Variants in CPVL observed in about 807,000 individuals in gnomAD.
CPVL encodes the protein carboxypeptidase vitellogenic like.
In CPVL, 51 loss-of-function variants were observed where a neutral mutation model predicts 63.7. That is an observed-to-expected ratio of 0.80 (90% CI 0.64 to 1.01). The LOEUF is 1.01. CPVL is among the 50% of genes least tolerant of loss of function. The pLI, the probability that CPVL is intolerant of heterozygous loss-of-function variation, is 0.00. For synonymous variants in CPVL, 195 were observed against 206.0 expected (o/e 0.95, Z 0.46); for missense variants, 530 against 573.1 (o/e 0.92, Z 0.77).
At chr7:29,155,468 T>C (rs773418844) in intron 5 of CPVL, among the ~76,000 whole-genome samples, 8 of 152,144 alleles carry the variant, frequency 5.3e-5, no homozygotes, top group Admixed American at 1.3e-4. Flanking sequence ...AAGGTAGATA[T>C]TATATTCTCC....
upstream of CPVL, among the ~76,000 whole-genome samples, chr7:29,147,764 A>T (rs1562793939): frequency 6.6e-6 from 1 of 152,242 alleles, no homozygotes; most frequent in Non-Finnish European, 1.5e-5. Context: ...CCAGGGCAAA[A>T]GTACAAACAG....
intron 1 of CPVL, among the ~76,000 whole-genome samples, chr7:29,135,221 G>T (rs76270895): frequency 6.6e-6 from 1 of 151,628 alleles, no homozygotes; most frequent in Non-Finnish European, 1.5e-5. Flanking sequence ...CCCAGATCAA[G>T]AAATGAAAAG....
At chr7:29,094,453 A>G (rs1584245145) in intron 5 of CPVL, among the ~76,000 whole-genome samples, 1 of 152,246 alleles carries the variant, frequency 6.6e-6, no homozygotes, top group East Asian at 1.9e-4. Context: ...ACACTATATA[A>G]TAACCTGTGA....
At chr7:29,000,394 CAG>C (rs1397711602) in intron 12 of CPVL, among the ~76,000 whole-genome samples, 2 of 148,980 alleles carry the variant, frequency 1.3e-5, no homozygotes, top group Admixed American at 1.3e-4. Flanking sequence ...TCACCGCAGA[CAG>C]AGGAAACTGT....
intron 5 of CPVL, among the ~76,000 whole-genome samples, chr7:29,168,028 A>T (rs930016737): frequency 6.6e-6 from 1 of 152,196 alleles, no homozygotes; most frequent in South Asian, 2.1e-4. Context: ...TAAACTGGAC[A>T]TTTGTGTGAG....
chr7:28,995,281 C>G lies in CPVL; in HGVS notation c.*491G>C, dbSNP rs1257741544. 1 of 152,948 alleles carries G rather than the reference C, an allele frequency of 6.5e-6. No homozygotes were observed. Among genetic ancestry groups the G allele is most frequent in the African/African-American group, 2.4e-5 (1 of 41,456 alleles). The allele number at this position is 152,948 out of a possible 1,614,324, so 9.5% of individuals were successfully genotyped here. A position where few individuals can be genotyped will look rare whatever the true frequency, so the allele number is the denominator to read the frequency against. Reference sequence around the variant, plus strand: ...TTCAAAGAATTCTTTTGTTCTAAGACTTTATACATTTGAGAATCTTTTCCC... The same window carrying G: ...TTCAAAGAATTCTTTTGTTCTAAGAGTTTATACATTTGAGAATCTTTTCCC... On this transcript the variant is annotated 3_prime_UTR_variant, in exon 13 of 13. Coordinates refer to ENST00000265394, the MANE Select transcript of CPVL (RefSeq NM_031311.5).
At chr7:29,044,323 A>T (rs746453326) in intron 11 of CPVL, among the ~76,000 whole-genome samples, 12 of 152,172 alleles carry the variant, frequency 7.9e-5, no homozygotes, top group Non-Finnish European at 1.0e-4. Context: ...AGGCTGAGGC[A>T]TGAGAATCAC....
chr7:29,070,449 A>C (rs188540069), intron 9 of CPVL, among the ~76,000 whole-genome samples: 1 of 152,332 alleles, frequency 6.6e-6, no homozygotes, highest in Non-Finnish European at 1.5e-5. Context: ...ATGCCACATA[A>C]AATTTGGTAT....
intron 5 of CPVL, among the ~76,000 whole-genome samples, chr7:29,167,101 A>G (rs1335466529): frequency 1.3e-5 from 2 of 152,158 alleles, no homozygotes; most frequent in African/African-American, 4.8e-5. Flanking sequence ...TCAATACCTT[A>G]AATCTGTCCC....
chr7:29,188,108 C>T (rs1024536569), intron 1 of CPVL, among the ~76,000 whole-genome samples: 1 of 152,154 alleles, frequency 6.6e-6, no homozygotes, highest in Non-Finnish European at 1.5e-5. Context: ...GACTTTAATT[C>T]TCACAGATTA....
rs900874114 is a variant in CPVL at position 29,096,313 on chromosome 7, A to G, written c.289-96T>C. ...CTTACCCAAATCCTCTCTGTGTTAC[A>G]GGGCTGTGACTAAATCCTACAAAAC... On this transcript the variant is annotated intron_variant, in intron 3 of 12. Transcript: ENST00000265394. 7.2e-6 allele frequency: 7 copies of G among 969,282 alleles called. No individual in the cohort carries two copies. The African/African-American group carries it at 9.6e-5, about 13-fold the overall frequency. The allele number at this position is 969,282 out of a possible 1,614,324, so 60.0% of individuals were successfully genotyped here. A position where few individuals can be genotyped will look rare whatever the true frequency, so the allele number is the denominator to read the frequency against.
At chr7:28,996,549 C>CAAAAAAAAAAAAAACAAAAAAAA (rs1562713999) in intron 12 of CPVL, among the ~76,000 whole-genome samples, 3 of 113,508 alleles carry the variant, frequency 2.6e-5, no homozygotes, top group Admixed American at 9.3e-5. Context: ...AACCAAAAAA[C>CAAAAAAAAAAAAAACAAAAAAAA]AAAAAAAAAA....
At chr7:29,094,098 T>C (rs1215598518) in intron 5 of CPVL, among the ~76,000 whole-genome samples, 5 of 152,174 alleles carry the variant, frequency 3.3e-5, no homozygotes, top group African/African-American at 4.8e-5. Context: ...CCCAGCACTT[T>C]GGGAGGCTGA....
At chr7:29,146,992 A>G (rs1322204492), upstream of CPVL, 49 of 1,550,680 alleles carry the variant, frequency 3.2e-5, no homozygotes, top group East Asian at 1.1e-3. Context: ...CTGTCCTGCC[A>G]AGCACTCTCC....
Position 29,072,406 on chromosome 7 carries a change from A to G in CPVL, c.627T>C (p.Tyr209=), listed in dbSNP as rs748031678. 1.2e-5 allele frequency: 20 copies of G among 1,614,040 alleles called. No individual in the cohort carries two copies. Among genetic ancestry groups the G allele is most frequent in the Non-Finnish European group, 1.7e-5 (20 of 1,179,950 alleles). The stretch of plus-strand genomic sequence containing the variant: ...GGATGAGGTGTGCAATGGCTGGCAC[A>G]TATTTCCCTGCATAAGACTGAGAAG... ...YVTGESYAGK[Y]VPAIAHLIHS... The change falls in exon 8 of 13, where the codon TAT becomes TAC. Residue 209 remains tyrosine (Y), a synonymous_variant. Transcript: ENST00000265394.
chr7:29,054,709 T>C (rs1334031865), intron 11 of CPVL, among the ~76,000 whole-genome samples: 1 of 152,232 alleles, frequency 6.6e-6, no homozygotes, highest in Non-Finnish European at 1.5e-5. Context: ...ATGGCTTTTT[T>C]TCATTCTTTC....
At chr7:29,125,009 C>G (rs1306903331) in intron 1 of CPVL, 1 of 152,062 alleles carries the variant, frequency 6.6e-6, no homozygotes, top group Non-Finnish European at 1.5e-5. Flanking sequence ...TAAGATATGT[C>G]CTGATCTCCT....
rs746592073 is a variant in CPVL at position 29,086,541 on chromosome 7, A to T, written c.552T>A (p.Ile184=). 1 of 1,606,752 alleles carries T rather than the reference A, an allele frequency of 6.2e-7. No homozygotes were observed. Among genetic ancestry groups the T allele is most frequent in the Non-Finnish European group, 8.5e-7 (1 of 1,173,418 alleles). ...DVARDLYSAL[I]QFFQIFPEYK... ...ATTCAGGAAATATCTGGAAAAACTGAATTAGTGCACTGCAAAAAGAAGAAC... is the reference window on the plus strand; with the variant it reads ...ATTCAGGAAATATCTGGAAAAACTGTATTAGTGCACTGCAAAAAGAAGAAC... The change falls in exon 7 of 13, where the codon ATT becomes ATA. Residue 184 remains isoleucine, a synonymous_variant. Coordinates refer to ENST00000265394, the MANE Select transcript of CPVL (RefSeq NM_031311.5).
At chr7:29,004,834 G>A (rs1306554040) in intron 12 of CPVL, among the ~76,000 whole-genome samples, 1 of 152,008 alleles carries the variant, frequency 6.6e-6, no homozygotes, top group Non-Finnish European at 1.5e-5. Flanking sequence ...TAAGGATTCA[G>A]AGACAATACT....
Sources: gnomAD v4.1 joint callset for allele counts (sites outside exome capture counted in the v4.1 genomes callset) on GRCh38, gnomAD v4.1.1 for gene constraint, MANE v1.5 for transcripts, NCBI Gene and HGNC (gene_info 2026-07-23, HGNC 2026-07-21) for gene names.